The following GALNT4 variants were observed in gnomAD, a reference collection of about 807,000 sequenced individuals.
The protein encoded by GALNT4 is polypeptide N-acetylgalactosaminyltransferase 4.
GALNT4 carries 23 observed loss-of-function variants against 45.1 expected under a neutral mutation model. The ratio of observed to expected loss-of-function variants is 0.51; its 90% confidence interval spans 0.37 to 0.72. GALNT4 has a LOEUF of 0.72. Ranked by LOEUF, GALNT4 falls within the 30% of genes least tolerant of loss-of-function variation. The pLI, the probability that GALNT4 is intolerant of heterozygous loss-of-function variation, is 0.00. For synonymous variants in GALNT4, 264 were observed against 257.6 expected, an observed-to-expected ratio of 1.02 and a Z score of -0.24; for missense variants, 757 against 709.0, an observed-to-expected ratio of 1.07 and a Z score of -0.77.
At position 89,523,564 on chromosome 12, in the gene GALNT4, G is replaced by GT; in HGVS notation, c.985dup (p.Thr329AsnfsTer9). 1 of 1,593,838 alleles carries GT rather than the reference G, an allele frequency of 6.3e-7. No homozygotes were observed. The highest frequency in any genetic ancestry group is 8.5e-7 in the Non-Finnish European group (1 of 1,172,260). On this transcript the variant is annotated frameshift_variant, in exon 1 of 1. Transcript: ENST00000529983. LOFTEE classifies it high-confidence loss of function. ...TTCACCTCCCCACACTTCCATTCCTGTGTCATACGTTCCAAGGTACTGAAA... is the reference window on the plus strand; with the variant it reads ...TTCACCTCCCCACACTTCCATTCCTGTTGTCATACGTTCCAAGGTACTGAAA...
chr12:89,522,679 C>T lies in GALNT4; in HGVS notation c.*134G>A, dbSNP rs1164617702. 6 of 1,197,398 alleles carry T rather than the reference C, an allele frequency of 5.0e-6. No individual in the cohort carries two copies. The highest frequency in any genetic ancestry group is 5.6e-6 in the Non-Finnish European group (5 of 894,736). The allele number at this position is 1,197,398 out of a possible 1,614,324, so 74.2% of individuals were successfully genotyped here. The stretch of plus-strand genomic sequence containing the variant: ...TCAGTGTGATATACCAAAATGAACC[C>T]CAGCTTTCCAGTGCTCCACAGATGA... On this transcript the variant is annotated 3_prime_UTR_variant, in exon 1 of 1. Coordinates refer to ENST00000529983, the MANE Select transcript of GALNT4 (RefSeq NM_003774.5).
At position 89,522,856 on chromosome 12, in the gene GALNT4, C is replaced by T. The variant is rs1187970850; in HGVS notation, c.1694G>A (p.Cys565Tyr). The change falls in exon 1 of 1, where the codon TGT becomes TAT. Residue 565 changes from cysteine (C) to tyrosine (Y), a missense_variant. Coordinates refer to ENST00000529983, the MANE Select transcript of GALNT4 (RefSeq NM_003774.5). ...EGRPDVQMRT[C>Y]DALDKNQIWS... ...AATTTGATTTTTATCTAGAGCATCA[C>T]AAGTTCTCATTTGTACATCAGGTCG... 1.9e-6 allele frequency: 3 copies of T among 1,601,102 alleles called. No individual in the cohort carries two copies. Among genetic ancestry groups the T allele is most frequent in the Non-Finnish European group, 2.6e-6 (3 of 1,175,278 alleles).
chr12:89,524,493 T>A lies in GALNT4; in HGVS notation c.57A>T (p.Thr19=). The A allele has an allele frequency of 6.2e-7, 1 of 1,613,082 alleles. No homozygotes were observed. Among genetic ancestry groups the A allele is most frequent in the Non-Finnish European group, 8.5e-7 (1 of 1,179,892 alleles). Residue 19 remains threonine, a synonymous_variant, in exon 1 of 1, where the codon ACA becomes ACT. Transcript: ENST00000529983. ...AGAGCTCCACGAAGATATAGGCCAC[T>A]GTTAAAAACGCCAGCAGCAGGCAGC... is the stretch of plus-strand genomic sequence containing the variant. ...GKSCLLLAFL[T]VAYIFVELLV...
chr12:89,521,068 T>C lies in GALNT4; in HGVS notation c.*1745A>G, dbSNP rs767273468. The C allele has an allele frequency of 1.3e-4, 19 of 151,904 alleles. No individual in the cohort carries two copies. The highest frequency in any genetic ancestry group is 2.6e-4 in the Non-Finnish European group (18 of 67,986). 9.4% of individuals were successfully genotyped at this position (151,904 alleles called of 1,614,324 possible). On this transcript the variant is annotated 3_prime_UTR_variant, in exon 1 of 1. Coordinates refer to ENST00000529983, the MANE Select transcript of GALNT4 (RefSeq NM_003774.5). ...ACTAGAACTTCTTAACCCACAGAAGTAAACCACTTCAGGTGAGTTCAGCTC... is the reference window on the plus strand; with the variant it reads ...ACTAGAACTTCTTAACCCACAGAAGCAAACCACTTCAGGTGAGTTCAGCTC...
Position 89,523,057 on chromosome 12 carries a change from G to A in GALNT4, c.1493C>T (p.Ser498Phe). ...YTSNKEIRFNSVTELCAEVPE... is the reference protein window; with the variant it reads ...YTSNKEIRFNFVTELCAEVPE... ...TACCTCTGCACATAACTCTGTCACA[G>A]AATTAAACCTTATTTCTTTGTTTGA... Residue 498 changes from serine (S) to phenylalanine (F), a missense_variant, in exon 1 of 1, where the codon TCT (serine) becomes TTT (phenylalanine). Ser to Phe is a radical substitution (Grantham distance 155). Coordinates refer to ENST00000529983, the MANE Select transcript of GALNT4 (RefSeq NM_003774.5). The A allele has an allele frequency of 1.9e-6, 3 of 1,613,806 alleles. No homozygotes were observed. Among genetic ancestry groups the A allele is most frequent in the Non-Finnish European group, 2.5e-6 (3 of 1,179,738 alleles).
At position 89,523,735 on chromosome 12, in the gene GALNT4, T is replaced by C. The variant is rs756703916; in HGVS notation, c.815A>G (p.Glu272Gly). 1 of 1,547,684 alleles carries C rather than the reference T, an allele frequency of 6.5e-7. No homozygotes were observed. Among genetic ancestry groups the C allele is most frequent in the South Asian group, 1.3e-5 (1 of 77,522 alleles). ...NTFEFYMQIG[E>G]PMIGGFDWRL... ...CCAGTCAAACCCACCAATCATGGGC[T>C]CCCCTATCTGCATATAGAATTCAAA... The change falls in exon 1 of 1, where the codon GAG becomes GGG. Residue 272 changes from glutamate (E) to glycine (G), a missense_variant. Physicochemically the swap from Glu to Gly is moderately conservative, Grantham distance 98. Transcript: ENST00000529983.
chr12:89,520,929 TA>T lies in GALNT4; in HGVS notation c.*1883del, dbSNP rs1382718918. On this transcript the variant is annotated 3_prime_UTR_variant, in exon 1 of 1. Transcript: ENST00000529983. ...TTAAAAAAAGCGTTTACTTCCCGAG[TA>T]ATTTAGTTTGGAAATATTTACATTC... is the stretch of plus-strand genomic sequence containing the variant. 1.3e-5 allele frequency: 2 copies of T among 152,164 alleles called. No homozygotes were observed. The allele number at this position is 152,164 out of a possible 1,614,324, so 9.4% of individuals were successfully genotyped here.
Position 89,524,215 on chromosome 12 carries a change from A to G in GALNT4, c.335T>C (p.Leu112Pro), listed in dbSNP as rs1280372912. 1 of 1,613,984 alleles carries G rather than the reference A, an allele frequency of 6.2e-7. No individual in the cohort carries two copies. The highest frequency in any genetic ancestry group is 1.7e-5 in the Admixed American group (1 of 60,024). The part of the protein sequence containing the change: ...INIYLSDRIS[L>P]HRHIEDKRMY... ...TCTTTTATCCTCTATGTGTCGATGC[A>G]GGGAAATCCTGTCACTGAGGTAAAT... The change falls in exon 1 of 1, where the codon CTG (leucine) becomes CCG (proline). Residue 112 changes from leucine to proline, a missense_variant. Physicochemically the swap from Leu to Pro is moderately conservative, Grantham distance 98. Transcript: ENST00000529983.
Position 89,521,751 on chromosome 12 carries a change from G to A in GALNT4, c.*1062C>T, listed in dbSNP as rs370354854. The A allele has an allele frequency of 3.5e-5, 12 of 345,202 alleles. No homozygotes were observed. Among genetic ancestry groups the A allele is most frequent in the East Asian group, 4.2e-5 (1 of 23,644 alleles). 21.4% of individuals were successfully genotyped at this position (345,202 alleles called of 1,614,324 possible). ...TGAAAGCTGCCTAAGTGCCAGGCTCGGTGCTAGGAGATTGAAAGCACCATT... is the reference window on the plus strand; with the variant it reads ...TGAAAGCTGCCTAAGTGCCAGGCTCAGTGCTAGGAGATTGAAAGCACCATT... On this transcript the variant is annotated 3_prime_UTR_variant, in exon 1 of 1. Coordinates refer to ENST00000529983, the MANE Select transcript of GALNT4 (RefSeq NM_003774.5).
chr12:89,524,791 A>T lies in GALNT4; in HGVS notation c.-242T>A. On this transcript the variant is annotated 5_prime_UTR_variant, in exon 1 of 1. Transcript: ENST00000529983. ...TCCTGCTCGGCTCACAACTTTTCACAAACTCTCCAGCCAACACCCCACCCT... is the reference window on the plus strand; with the variant it reads ...TCCTGCTCGGCTCACAACTTTTCACTAACTCTCCAGCCAACACCCCACCCT... 1.6e-6 allele frequency: 1 copy of T among 620,786 alleles called. No homozygotes were observed. The highest frequency in any genetic ancestry group is 2.8e-6 in the Non-Finnish European group (1 of 353,566). 38.5% of individuals were successfully genotyped at this position (620,786 alleles called of 1,614,324 possible).
In GALNT4 at chr12:89,523,471, A is replaced by T; in HGVS notation, c.1079T>A (p.Val360Glu). ...GKLEIHPCSH[V>E]GHVFPKRAPY... ...TGCCCGCTTGGGGAACACATGGCCC[A>T]CGTGGGAACACGGGTGGATCTCCAA... Residue 360 changes from valine (V) to glutamate (E), a missense_variant, in exon 1 of 1, where the codon GTG becomes GAG. By Grantham distance (121) the Val-to-Glu change is moderately radical. Transcript: ENST00000529983. 1.9e-6 allele frequency: 3 copies of T among 1,613,800 alleles called. No individual in the cohort carries two copies. The highest frequency in any genetic ancestry group is 2.5e-6 in the Non-Finnish European group (3 of 1,179,896).
In GALNT4 at chr12:89,521,945, T is replaced by C. The variant is rs76480421; in HGVS notation, c.*868A>G. ...GGGTTTAACTTCAGAGAGGCTTCAA[T>C]TGTGTTTACTTTAAATGATTAAGCA... On this transcript the variant is annotated 3_prime_UTR_variant, in exon 1 of 1. Coordinates refer to ENST00000529983, the MANE Select transcript of GALNT4 (RefSeq NM_003774.5). The C allele has an allele frequency of 0.015, 5,883 of 398,862 alleles. 258 individuals are homozygous for C. The highest frequency in any genetic ancestry group is 0.11 in the East Asian group (3,118 of 28,060). The allele number at this position is 398,862 out of a possible 1,614,324, so 24.7% of individuals were successfully genotyped here. A position where few individuals can be genotyped will look rare whatever the true frequency, so the allele number is the denominator to read the frequency against.
Position 89,523,941 on chromosome 12 carries a change from C to T in GALNT4, c.609G>A (p.Lys203=), listed in dbSNP as rs373335989. 8.1e-5 allele frequency: 131 copies of T among 1,612,856 alleles called. No homozygotes were observed. In the African/African-American group the frequency reaches 1.4e-3, roughly 17 times the overall value. ...GACGGGCCCTAACCAGCCCCTCTCG[C>T]TTATTGGTCCTAATCAAGCGTACTC... ...LDRVRLIRTN[K]REGLVRARLI... The change falls in exon 1 of 1, where the codon AAG becomes AAA. Residue 203 remains lysine, a synonymous_variant. Coordinates refer to ENST00000529983, the MANE Select transcript of GALNT4 (RefSeq NM_003774.5).
Position 89,522,667 on chromosome 12 carries a change from C to T in GALNT4, c.*146G>A. The T allele has an allele frequency of 3.8e-6, 4 of 1,059,630 alleles. No homozygotes were observed. Among genetic ancestry groups the T allele is most frequent in the Non-Finnish European group, 5.1e-6 (4 of 776,798 alleles). The allele number at this position is 1,059,630 out of a possible 1,614,324, so 65.6% of individuals were successfully genotyped here. ...GGGTACCCAGTTTCAGTGTGATATA[C>T]CAAAATGAACCCCAGCTTTCCAGTG... On this transcript the variant is annotated 3_prime_UTR_variant, in exon 1 of 1. Transcript: ENST00000529983.
rs759057914 is a variant in GALNT4 at position 89,522,940 on chromosome 12, C to G, written c.1610G>C (p.Gly537Ala). The G allele has an allele frequency of 2.6e-5, 42 of 1,613,906 alleles. No homozygotes were observed. Among genetic ancestry groups the G allele is most frequent in the Non-Finnish European group, 3.5e-5 (41 of 1,179,906 alleles). ...TCCTGAGTGTGGGTGAAAAATAGTTCCATCTTCTTTAAAATGCCAAATAAT... is the reference window on the plus strand; with the variant it reads ...TCCTGAGTGTGGGTGAAAAATAGTTGCATCTTCTTTAAAATGCCAAATAAT... Reference protein sequence around the residue: ...ANIIWHFKEDGTIFHPHSGLC... With the variant: ...ANIIWHFKEDATIFHPHSGLC... Residue 537 changes from glycine (G) to alanine (A), a missense_variant, in exon 1 of 1, where the codon GGA becomes GCA. By Grantham distance (60) the Gly-to-Ala change is moderately conservative. Transcript: ENST00000529983.
chr12:89,520,822 A>C lies in GALNT4; in HGVS notation c.*1991T>G, dbSNP rs1870787414. On this transcript the variant is annotated 3_prime_UTR_variant, in exon 1 of 1. Coordinates refer to ENST00000529983, the MANE Select transcript of GALNT4 (RefSeq NM_003774.5). The stretch of plus-strand genomic sequence containing the variant: ...ATGCATTTTTCATAAATCTAGGCCA[A>C]AGTGAACTAATTGAGATTTAATTCT... 6.6e-6 allele frequency: 1 copy of C among 152,202 alleles called. No homozygotes were observed. 9.4% of individuals were successfully genotyped at this position (152,202 alleles called of 1,614,324 possible). A position where few individuals can be genotyped will look rare whatever the true frequency, so the allele number is the denominator to read the frequency against.
At position 89,521,875 on chromosome 12, in the gene GALNT4, G is replaced by A. The variant is rs1265776116; in HGVS notation, c.*938C>T. 2.5e-6 allele frequency: 1 copy of A among 397,722 alleles called. No individual in the cohort carries two copies. Among genetic ancestry groups the A allele is most frequent in the Non-Finnish European group, 4.4e-6 (1 of 225,886 alleles). The allele number at this position is 397,722 out of a possible 1,614,324, so 24.6% of individuals were successfully genotyped here. A position where few individuals can be genotyped will look rare whatever the true frequency, so the allele number is the denominator to read the frequency against. ...GTAGGAGAGTTCCACAGCCTTGGTA[G>A]AACCTAGCCCACTTTCAGTTTCACA... is the stretch of plus-strand genomic sequence containing the variant. On this transcript the variant is annotated 3_prime_UTR_variant, in exon 1 of 1. Transcript: ENST00000529983.
rs201411448 is a variant in GALNT4 at position 89,521,098 on chromosome 12, A to ATTTTTT, written c.*1714_*1715insAAAAAA. 13 of 113,250 alleles carry ATTTTTT rather than the reference A, an allele frequency of 1.1e-4. 3 individuals carry two copies. The highest frequency in any genetic ancestry group is 1.8e-4 in the Non-Finnish European group (10 of 55,070). 7.0% of individuals were successfully genotyped at this position (113,250 alleles called of 1,614,324 possible). A position where few individuals can be genotyped will look rare whatever the true frequency, so the allele number is the denominator to read the frequency against. On this transcript the variant is annotated 3_prime_UTR_variant, in exon 1 of 1. Coordinates refer to ENST00000529983, the MANE Select transcript of GALNT4 (RefSeq NM_003774.5). ...CACTTCAGGTGAGTTCAGCTCACTTATTTTATTATTATTTTTTTTTTTTGA... is the reference window on the plus strand; with the variant it reads ...CACTTCAGGTGAGTTCAGCTCACTTATTTTTTTTTTATTATTATTTTTTTTTTTTGA...
At position 89,522,934 on chromosome 12, in the gene GALNT4, A is replaced by C. The variant is rs762804456; in HGVS notation, c.1616T>G (p.Ile539Ser). The C allele has an allele frequency of 6.2e-7, 1 of 1,614,036 alleles. No individual in the cohort carries two copies. Among genetic ancestry groups the C allele is most frequent in the South Asian group, 1.1e-5 (1 of 91,084 alleles). The change falls in exon 1 of 1, where the codon ATT becomes AGT. Residue 539 changes from isoleucine (I) to serine (S), a missense_variant. Coordinates refer to ENST00000529983, the MANE Select transcript of GALNT4 (RefSeq NM_003774.5). ...IIWHFKEDGT[I>S]FHPHSGLCLS... Reference sequence around the variant, plus strand: ...ACACAGTCCTGAGTGTGGGTGAAAAATAGTTCCATCTTCTTTAAAATGCCA... The same window carrying C: ...ACACAGTCCTGAGTGTGGGTGAAAACTAGTTCCATCTTCTTTAAAATGCCA...
Sources: allele counts gnomAD v4.1 joint callset, GRCh38; gene constraint gnomAD v4.1.1; transcripts MANE v1.5; gene names NCBI Gene and HGNC (gene_info 2026-07-23, HGNC 2026-07-21).